Variants in LRIT1 observed in about 807,000 individuals in gnomAD.
The protein encoded by LRIT1 is leucine rich repeat, Ig-like and transmembrane domains 1, also known as leucine-rich repeat, immunoglobulin-like domain and transmembrane domain-containing protein 1.
Under a neutral mutation model 24.0 loss-of-function variants are expected in LRIT1, and 23 were observed. The ratio of observed to expected loss-of-function variants is 0.96; its 90% CI spans 0.69 to 1.36. The LOEUF is 1.36. Among genes scored for constraint, LRIT1 ranks in the 40% most tolerant of loss-of-function variants. The probability of loss-of-function intolerance (pLI) is 0.00; values close to 1 mark genes in which losing one functional copy is unlikely to be tolerated. For missense variants in LRIT1, 846 were observed against 806.3 expected, an observed-to-expected ratio of 1.05 and a Z score of -0.60; for synonymous variants, 361 against 340.5, an observed-to-expected ratio of 1.06 and a Z score of -0.66.
chr10:84,236,095 G>A (rs1697486535), intron 2 of LRIT1, among the ~76,000 whole-genome samples: 2 of 151,664 alleles, frequency 1.3e-5, no homozygotes, highest in Non-Finnish European at 2.9e-5. Flanking sequence ...AGGAGATCGA[G>A]ACCATCCTGG....
intron 2 of LRIT1, among the ~76,000 whole-genome samples, chr10:84,236,138 T>C (rs572238660): frequency 1.3e-5 from 2 of 151,558 alleles, no homozygotes; most frequent in Non-Finnish European, 2.9e-5. Context: ...CTACTAAATA[T>C]ACAAAAAATT....
rs764427553 is a variant in LRIT1 at position 84,237,479 on chromosome 10, C to T, written c.330G>A (p.Arg110=). The change falls in exon 2 of 4, where the codon CGG becomes CGA. Residue 110 remains arginine (R), a synonymous_variant. Coordinates refer to ENST00000372105, the MANE Select transcript of LRIT1 (RefSeq NM_015613.3). The stretch of plus-strand genomic sequence containing the variant: ...GGCGGTTCCCGGGCAGCCGCAGCTC[C>T]CGCAGGCGTCGCAGGCCCCGCAGCA... The part of the protein sequence containing the change: ...ALMLRGLRRL[R]ELRLPGNRLA... 2 of 1,585,332 alleles carry T rather than the reference C, an allele frequency of 1.3e-6. No homozygotes were observed. Among genetic ancestry groups the T allele is most frequent in the Non-Finnish European group, 1.7e-6 (2 of 1,169,908 alleles).
At chr10:84,235,190 C>T (rs1842638002) in intron 2 of LRIT1, among the ~76,000 whole-genome samples, 1 of 152,158 alleles carries the variant, frequency 6.6e-6, no homozygotes, top group Non-Finnish European at 1.5e-5. Context: ...ATATCTTATA[C>T]ATTCACACAG....
At chr10:84,240,136 A>G (rs1488517665) in intron 1 of LRIT1, among the ~76,000 whole-genome samples, 3 of 152,236 alleles carry the variant, frequency 2.0e-5, no homozygotes, top group Non-Finnish European at 4.4e-5. Flanking sequence ...CCTGGGTTCC[A>G]GGACCGGTTT....
chr10:84,237,034 A>ATGACTGCGATATGAAC (rs1269150383), intron 2 of LRIT1, among the ~76,000 whole-genome samples, 186 bp downstream of exon 2: 1 of 152,124 alleles, frequency 6.6e-6, no homozygotes, highest in Non-Finnish European at 1.5e-5. Context: ...GACCTCTCTT[A>ATGACTGCGATATGAAC]TGACTGCGAT....
chr10:84,239,988 G>A (rs1035850689), intron 1 of LRIT1, among the ~76,000 whole-genome samples: 4 of 152,238 alleles, frequency 2.6e-5, no homozygotes, highest in Admixed American at 6.5e-5. Flanking sequence ...TCAGAGAAGG[G>A]AATGCCCACT....
chr10:84,232,312 G>T lies in LRIT1; in HGVS notation c.1487C>A (p.Ala496Glu). ...CACCAGGCCCTGCACACAGACACACGCCACATACTTGGTCTTGGGCAACAG... is the reference window on the plus strand; with the variant it reads ...CACCAGGCCCTGCACACAGACACACTCCACATACTTGGTCTTGGGCAACAG... The part of the protein sequence containing the change: ...TGLLPKTKYV[A>E]CVCVQGLVPR... Residue 496 changes from alanine to glutamate, a missense_variant, in exon 4 of 4, where the codon GCG becomes GAG. Coordinates refer to ENST00000372105, the MANE Select transcript of LRIT1 (RefSeq NM_015613.3). 1.9e-6 allele frequency: 3 copies of T among 1,613,978 alleles called. No individual in the cohort carries two copies. The highest frequency in any genetic ancestry group is 2.5e-6 in the Non-Finnish European group (3 of 1,179,992).
chr10:84,232,720 G>T lies in LRIT1; in HGVS notation c.1079C>A (p.Ala360Glu). The change falls in exon 4 of 4, where the codon GCA becomes GAA. Residue 360 changes from alanine (A) to glutamate (E), a missense_variant. Physicochemically the swap from Ala to Glu is moderately radical, Grantham distance 107 (BLOSUM62 -1). Coordinates refer to ENST00000372105, the MANE Select transcript of LRIT1 (RefSeq NM_015613.3). ...TSTEHSGSPG[A>E]LWARTGGGGE... ...TCCGCCACCTGTCCTTGCCCATAGT[G>T]CTCCTGGGCTCCCACTGTGTTCTGT... is the stretch of plus-strand genomic sequence containing the variant. 3.7e-6 allele frequency: 6 copies of T among 1,614,020 alleles called. No individual in the cohort carries two copies. The highest frequency in any genetic ancestry group is 5.1e-6 in the Non-Finnish European group (6 of 1,179,962).
intron 3 of LRIT1, among the ~76,000 whole-genome samples, chr10:84,233,454 C>T (rs1422446113): frequency 6.6e-6 from 1 of 151,826 alleles, no homozygotes; most frequent in Non-Finnish European, 1.5e-5. Flanking sequence ...GTGTGAGCCC[C>T]CAGCCAACCC....
intron 2 of LRIT1, among the ~76,000 whole-genome samples, chr10:84,234,948 A>G (rs1216205705): frequency 1.3e-5 from 2 of 152,160 alleles, no homozygotes; most frequent in African/African-American, 4.8e-5. Flanking sequence ...CTAAAATTGA[A>G]CATTCTTACA....
At position 84,231,994 on chromosome 10, in the gene LRIT1, C is replaced by T. The variant is rs375523621; in HGVS notation, c.1805G>A (p.Arg602His). 3.2e-5 allele frequency: 52 copies of T among 1,613,918 alleles called. No homozygotes were observed. The highest frequency in any genetic ancestry group is 1.1e-4 in the African/African-American group (8 of 74,918). Residue 602 changes from arginine to histidine, a missense_variant, in exon 4 of 4, where the codon CGT (arginine) becomes CAT (histidine). Physicochemically the swap from Arg to His is conservative, Grantham distance 29. Transcript: ENST00000372105. ...AAAGGCCTGAAAGTCCACACTGGAA[C>T]GAGCTGAGAGAAGCCTGTCAGCCTC... ...VSEADRLLSA[R>H]SSVDFQAFGV...
In LRIT1 at chr10:84,237,088, G is replaced by A. The variant is rs1047430912; in HGVS notation, c.589+132C>T. 8 of 737,678 alleles carry A rather than the reference G, an allele frequency of 1.1e-5. No individual in the cohort carries two copies. The Admixed American group carries it at 1.1e-4, about 10-fold the overall frequency. 45.7% of individuals were successfully genotyped at this position (737,678 alleles called of 1,614,324 possible). Reference sequence around the variant, plus strand: ...GCTTGTGGATTGAGCTCCTAAACCCGCCGCTCTTGTGGATCTCACTGTCTT... The same window carrying A: ...GCTTGTGGATTGAGCTCCTAAACCCACCGCTCTTGTGGATCTCACTGTCTT... On this transcript the variant is annotated intron_variant, in intron 2 of 3. Transcript: ENST00000372105.
chr10:84,235,204 T>C (rs1401411894), intron 2 of LRIT1, among the ~76,000 whole-genome samples: 1 of 152,212 alleles, frequency 6.6e-6, no homozygotes, highest in Non-Finnish European at 1.5e-5. Flanking sequence ...CACACAGATA[T>C]ATTTAATACG....
At chr10:84,233,998 C>G in intron 3 of LRIT1, 75 bp downstream of exon 3, 1 of 1,367,954 alleles carries the variant, frequency 7.3e-7, no homozygotes, top group Non-Finnish European at 9.6e-7. Flanking sequence ...CTGGCCCTGC[C>G]AAATCCCCAT....
chr10:84,240,206 T>C (rs931375302), intron 1 of LRIT1, among the ~76,000 whole-genome samples: 3 of 152,220 alleles, frequency 2.0e-5, no homozygotes, highest in African/African-American at 4.8e-5. Flanking sequence ...GGAGGCTTTT[T>C]GTCACTCCAG....
intron 2 of LRIT1, among the ~76,000 whole-genome samples, chr10:84,236,775 T>C (rs945225610): frequency 4.6e-5 from 7 of 152,206 alleles, no homozygotes; most frequent in African/African-American, 1.7e-4. Context: ...ACATTTGTAT[T>C]TATTCATGTA....
chr10:84,238,514 A>G (rs1375054775), intron 1 of LRIT1, among the ~76,000 whole-genome samples: 1 of 152,204 alleles, frequency 6.6e-6, no homozygotes, highest in Admixed American at 6.5e-5. Flanking sequence ...AAGTTGTTTA[A>G]GAGCCAGGAC....
At position 84,241,499 on chromosome 10, in the gene LRIT1, G is replaced by A. The variant is rs1048752635; in HGVS notation, c.-60C>T. Reference sequence around the variant, plus strand: ...TGTCCCTGGACCGCTCCGTCCCACCGGCCCAGCAAGCTCAGCAGCTGCCCA... The same window carrying A: ...TGTCCCTGGACCGCTCCGTCCCACCAGCCCAGCAAGCTCAGCAGCTGCCCA... On this transcript the variant is annotated 5_prime_UTR_variant, in exon 1 of 4. Transcript: ENST00000372105. 48 of 1,421,056 alleles carry A rather than the reference G, an allele frequency of 3.4e-5. No individual in the cohort carries two copies. The South Asian group carries it at 5.8e-4, about 17-fold the overall frequency. 88.0% of individuals were successfully genotyped at this position (1,421,056 alleles called of 1,614,324 possible). A position where few individuals can be genotyped will look rare whatever the true frequency, so the allele number is the denominator to read the frequency against.
rs201128603 is a variant in LRIT1 at position 84,241,485 on chromosome 10, C to G, written c.-46G>C. 2.5e-5 allele frequency: 36 copies of G among 1,437,616 alleles called. No homozygotes were observed. The highest frequency in any genetic ancestry group is 3.1e-5 in the Non-Finnish European group (34 of 1,101,814). 89.1% of individuals were successfully genotyped at this position (1,437,616 alleles called of 1,614,324 possible). ...CCCAGGCAGGGGCCTGTCCCTGGAC[C>G]GCTCCGTCCCACCGGCCCAGCAAGC... On this transcript the variant is annotated 5_prime_UTR_variant, in exon 1 of 4. Transcript: ENST00000372105.
Sources: allele counts gnomAD v4.1 joint callset (sites outside exome capture counted in the v4.1 genomes callset), GRCh38; gene constraint gnomAD v4.1.1; transcripts MANE v1.5; gene names NCBI Gene and HGNC (gene_info 2026-07-23, HGNC 2026-07-21).